TTC7B: variants seen among roughly 807,000 people sequenced by gnomAD.
The protein encoded by TTC7B is tetratricopeptide repeat domain 7B.
In TTC7B, 28 loss-of-function variants were observed where a neutral mutation model predicts 106.8. The ratio of observed to expected loss-of-function variants is 0.26; its 90% CI spans 0.19 to 0.36. The LOEUF (loss-of-function observed/expected upper bound fraction) is 0.36, where lower values mean the gene tolerates loss of function less well. Ranked by LOEUF, TTC7B falls within the 10% of genes least tolerant of loss-of-function variation. The pLI is 1.00. For missense variants in TTC7B, 862 were observed against 1,076.4 expected (o/e 0.80, Z 2.79); for synonymous variants, 405 against 430.6 (o/e 0.94, Z 0.74).
In TTC7B at chr14:90,647,367, C is replaced by T. The variant is rs541094789; in HGVS notation, c.1518-344G>A. On this transcript the variant is annotated intron_variant, in intron 13 of 19. Transcript: ENST00000328459. Reference sequence around the variant, plus strand: ...GATGGGTCTCTGTGTCGTGCTGGGACGCAGTGAAGCCATGTGTGCACTTGG... The same window carrying T: ...GATGGGTCTCTGTGTCGTGCTGGGATGCAGTGAAGCCATGTGTGCACTTGG... The T allele has an allele frequency of 9.7e-5, 20 of 206,974 alleles. 1 individual carries two copies. The South Asian group carries it at 1.5e-3, about 16-fold the overall frequency. The allele number at this position is 206,974 out of a possible 1,614,324, so 12.8% of individuals were successfully genotyped here.
At chr14:90,659,549 A>T (rs1886100441) in intron 9 of TTC7B, among the ~76,000 whole-genome samples, 1 of 152,116 alleles carries the variant, frequency 6.6e-6, no homozygotes, top group Non-Finnish European at 1.5e-5. Flanking sequence ...GGGATCTGGA[A>T]AGGAGGGCGA....
Position 90,695,584 on chromosome 14 carries a change from T to G in TTC7B, c.699-6A>C. 6.3e-7 allele frequency: 1 copy of G among 1,588,320 alleles called. No homozygotes were observed. Among genetic ancestry groups the G allele is most frequent in the Non-Finnish European group, 8.6e-7 (1 of 1,167,968 alleles). On this transcript the variant is annotated splice_region_variant and splice_polypyrimidine_tract_variant and intron_variant, in intron 5 of 19. Coordinates refer to ENST00000328459, the MANE Select transcript of TTC7B (RefSeq NM_001010854.2). ...CGACTCCTCTTGTCAAGTTCCTGTG[T>G]GGACACAGAATTTGACGGTTTTCAT... is the stretch of plus-strand genomic sequence containing the variant.
rs755531343 is a variant in TTC7B at position 90,757,901 on chromosome 14, G to A, written c.446-12979C>T. Among the ~76,000 whole-genome samples the A allele has an allele frequency of 7.9e-5, 12 of 152,144 alleles. No homozygotes were observed. Among genetic ancestry groups the A allele is most frequent in the Non-Finnish European group, 1.5e-4 (10 of 68,008 alleles). On this transcript the variant is annotated intron_variant, in intron 3 of 19. Transcript: ENST00000328459. The surrounding 1 kb of genome is among the most constrained non-coding windows in gnomAD (Gnocchi z 4.1). ...TTCAATTCCTGCTAAAGCAGGAAACGCACCTTTACATCCTTTCTCTTTGTA... is the reference window on the plus strand; with the variant it reads ...TTCAATTCCTGCTAAAGCAGGAAACACACCTTTACATCCTTTCTCTTTGTA...
chr14:90,679,978 C>T (rs1886987489), intron 8 of TTC7B, among the ~76,000 whole-genome samples: 1 of 152,218 alleles, frequency 6.6e-6, no homozygotes, highest in Admixed American at 6.5e-5. Flanking sequence ...GAAGAGACAA[C>T]AAGGGCAGGA....
intron 16 of TTC7B, among the ~76,000 whole-genome samples, chr14:90,616,270 G>T (rs1028583563): frequency 6.6e-6 from 1 of 152,236 alleles, no homozygotes; most frequent in South Asian, 2.1e-4. Flanking sequence ...AAATCCTGAA[G>T]ATTTCATAGG....
chr14:90,785,432 C>T (rs1026881771), intron 2 of TTC7B, among the ~76,000 whole-genome samples: 2 of 152,080 alleles, frequency 1.3e-5, no homozygotes, highest in African/African-American at 2.4e-5. Context: ...CAGCATGGAG[C>T]GGGCCACAGA....
At chr14:90,676,358 A>G in intron 9 of TTC7B, 165 bp downstream of exon 9, 1 of 652,252 alleles carries the variant, frequency 1.5e-6, no homozygotes, top group Admixed American at 2.6e-5. Context: ...ATTTAGCCCA[A>G]GGCCCATTCT....
intron 5 of TTC7B, among the ~76,000 whole-genome samples, chr14:90,728,337 CAAAAAAA>C (rs35504744): frequency 1.0e-4 from 4 of 40,038 alleles, no homozygotes; most frequent in South Asian, 1.7e-3. Flanking sequence ...GTCCCCCCCG[CAAAAAAA>C]AAAAAAAAAA....
intron 19 of TTC7B, among the ~76,000 whole-genome samples, chr14:90,572,387 T>C (rs987938491): frequency 2.0e-5 from 3 of 152,184 alleles, no homozygotes; most frequent in Admixed American, 2.0e-4. Flanking sequence ...ATAAGACATA[T>C]CCACTGCACC....
chr14:90,545,575 G>A lies in TTC7B; in HGVS notation c.2311-3986C>T, dbSNP rs559291987. 1.1e-3 allele frequency among the ~76,000 whole-genome samples: 174 copies of A among 152,348 alleles called. 1 individual carries two copies. The highest frequency in any genetic ancestry group is 3.9e-3 in the African/African-American group (163 of 41,582). ...CCATTCTGTCCGCCAGAAAGTGGAT[G>A]GGTGAGATGTGGAGACCAGGAGGAC... On this transcript the variant is annotated intron_variant, in intron 19 of 19. Coordinates refer to ENST00000328459, the MANE Select transcript of TTC7B (RefSeq NM_001010854.2).
chr14:90,705,392 A>G (rs1190771479), intron 5 of TTC7B, among the ~76,000 whole-genome samples: 1 of 152,148 alleles, frequency 6.6e-6, no homozygotes. Flanking sequence ...ACTGAGTCCC[A>G]GAGAGAGAAG....
chr14:90,596,438 G>A (rs1157224470), intron 17 of TTC7B, among the ~76,000 whole-genome samples: 1 of 152,132 alleles, frequency 6.6e-6, no homozygotes, highest in Non-Finnish European at 1.5e-5. Context: ...GATGATGATG[G>A]CGATGATGAT....
At chr14:90,794,695 G>A (rs1891714738) in intron 1 of TTC7B, among the ~76,000 whole-genome samples, 1 of 152,130 alleles carries the variant, frequency 6.6e-6, no homozygotes, top group Non-Finnish European at 1.5e-5. Flanking sequence ...TGAGCATGGT[G>A]GCTGCAAAAC....
chr14:90,719,396 G>T (rs886443459), intron 5 of TTC7B, among the ~76,000 whole-genome samples: 1 of 152,200 alleles, frequency 6.6e-6, no homozygotes, highest in African/African-American at 2.4e-5. Context: ...TGATAAAAAT[G>T]GCCCCTGATT....
rs2140070600 is a variant in TTC7B, at chr14:90,816,277, C to A, written c.19G>T (p.Gly7Cys). The A allele has an allele frequency of 8.1e-7, 1 of 1,232,322 alleles. No homozygotes were observed. The allele number at this position is 1,232,322 out of a possible 1,614,324, so 76.3% of individuals were successfully genotyped here. A position where few individuals can be genotyped will look rare whatever the true frequency, so the allele number is the denominator to read the frequency against. Reference sequence around the variant, plus strand: ...TCGATCTCCGTCTCCAGCCGCGAGCCTGCCTTCTTGGTCGCCATCGCGGCC... The same window carrying A: ...TCGATCTCCGTCTCCAGCCGCGAGCATGCCTTCTTGGTCGCCATCGCGGCC... MATKKAGSRLETEIERC... is the reference protein window; with the variant it reads MATKKACSRLETEIERC... The change falls in exon 1 of 20, where the codon GGC becomes TGC. Residue 7 changes from glycine (G) to cysteine (C), a missense_variant. Physicochemically the swap from Gly to Cys is radical, Grantham distance 159. Coordinates refer to ENST00000328459, the MANE Select transcript of TTC7B (RefSeq NM_001010854.2).
intron 4 of TTC7B, 50 bp from the exon 5 acceptor site, chr14:90,730,246 C>T (rs1470758897): frequency 6.4e-7 from 1 of 1,569,274 alleles, no homozygotes; most frequent in African/African-American, 1.4e-5. Context: ...TCCAAGCCTA[C>T]TTCCTTCAAA....
chr14:90,806,676 G>A (rs374459220), intron 1 of TTC7B, among the ~76,000 whole-genome samples: 2 of 152,252 alleles, frequency 1.3e-5, no homozygotes, highest in African/African-American at 4.8e-5. Context: ...GGAGGCCAAA[G>A]TGGGCAGATC....
intron 19 of TTC7B, among the ~76,000 whole-genome samples, chr14:90,555,221 T>C (rs947834987): frequency 2.6e-4 from 40 of 152,224 alleles, no homozygotes; most frequent in African/African-American, 9.6e-4. Context: ...ACCCCACGGC[T>C]CAGCACTCCC....
rs1891201001 is a variant in TTC7B at position 90,780,914 on chromosome 14, CA to C, written c.277-9del. ...TTCTTGTAGGAATTCTGACTAGAAG[CA>C]AAAGGAGAGAAAGAAAAGCATTTTC... On this transcript the variant is annotated splice_polypyrimidine_tract_variant and intron_variant, in intron 2 of 19. Transcript: ENST00000328459. 1 of 1,613,414 alleles carries C rather than the reference CA, an allele frequency of 6.2e-7. No homozygotes were observed. Among genetic ancestry groups the C allele is most frequent in the Non-Finnish European group, 8.5e-7 (1 of 1,179,538 alleles).
Sources: allele counts gnomAD v4.1 joint callset (sites outside exome capture counted in the v4.1 genomes callset), GRCh38; gene constraint gnomAD v4.1.1; non-coding constraint Gnocchi (gnomAD v3.1); transcripts MANE v1.5; gene names NCBI Gene and HGNC (gene_info 2026-07-23, HGNC 2026-07-21).